Variants in PHF20 observed in about 807,000 individuals in gnomAD.
The protein encoded by PHF20 is PHD finger protein 20, also known as glioma-expressed antigen 2.
Under a neutral mutation model 113.5 loss-of-function variants are expected in PHF20, and 23 were observed. That is an observed-to-expected ratio of 0.20 (90% CI 0.15 to 0.29). PHF20 has a LOEUF of 0.29. Ranked by LOEUF, PHF20 falls within the 10% of genes least tolerant of loss-of-function variation. The pLI, the probability that PHF20 is intolerant of heterozygous loss-of-function variation, is 1.00. For missense variants in PHF20, 943 were observed against 1,219.6 expected (o/e 0.77, Z 3.38); for synonymous variants, 434 against 457.3 (o/e 0.95, Z 0.65).
intron 2 of PHF20, among the ~76,000 whole-genome samples, chr20:35,809,252 GA>G (rs1180600866): frequency 6.9e-5 from 10 of 144,862 alleles, no homozygotes; most frequent in South Asian, 2.2e-4. Flanking sequence ...TGTCTTGGAA[GA>G]AAAAAAAAAC....
intron 15 of PHF20, among the ~76,000 whole-genome samples, chr20:35,937,223 C>A (rs987580618): frequency 6.6e-6 from 1 of 152,064 alleles, no homozygotes; most frequent in African/African-American, 2.4e-5. Context: ...GCTCCCAGCA[C>A]TTTGGGAGGT....
chr20:35,927,642 C>T (rs1385022000), intron 13 of PHF20, 138 bp from the exon 14 acceptor site: 1 of 685,170 alleles, frequency 1.5e-6, no homozygotes, highest in African/African-American at 1.7e-5. Context: ...AGCTCAGTTC[C>T]ACGTTAGTCA....
intron 2 of PHF20, chr20:35,838,381 C>T (rs1037349206): frequency 2.0e-5 from 3 of 152,146 alleles, no homozygotes; most frequent in Admixed American, 1.3e-4. Context: ...AGTTCCCCTT[C>T]CGGGAGGCAA....
intron 2 of PHF20, among the ~76,000 whole-genome samples, chr20:35,822,566 G>T (rs2042188249): frequency 6.6e-6 from 1 of 152,052 alleles, no homozygotes; most frequent in African/African-American, 2.4e-5. Context: ...GGGCACAGTG[G>T]TTTATGCCTG....
chr20:35,886,560 T>TGCAC (rs2054737429), intron 9 of PHF20, among the ~76,000 whole-genome samples: 1 of 152,204 alleles, frequency 6.6e-6, no homozygotes, highest in African/African-American at 2.4e-5. Flanking sequence ...CCACATGGCG[T>TGCAC]GATTGCCGAC....
chr20:35,943,867 C>T (rs1267056066), intron 17 of PHF20, among the ~76,000 whole-genome samples: 1 of 152,166 alleles, frequency 6.6e-6, no homozygotes, highest in Admixed American at 6.5e-5. Flanking sequence ...GATCTGCCTG[C>T]CTCGGGCTCC....
At chr20:35,847,293 A>G (rs751653475) in intron 3 of PHF20, 57 bp from the exon 4 acceptor site, 1 of 1,164,762 alleles carries the variant, frequency 8.6e-7, no homozygotes, top group Non-Finnish European at 1.3e-6. Context: ...TATGTCCTGT[A>G]TGTCCTGTGA....
chr20:35,825,143 G>T (rs1240067591), intron 2 of PHF20, among the ~76,000 whole-genome samples: 5 of 152,074 alleles, frequency 3.3e-5, no homozygotes, highest in Non-Finnish European at 7.4e-5. Flanking sequence ...ATTGCTTTTC[G>T]TAGTAGCTGC....
intron 15 of PHF20, among the ~76,000 whole-genome samples, chr20:35,932,629 C>T (rs999481795): frequency 7.2e-5 from 11 of 151,744 alleles, no homozygotes; most frequent in African/African-American, 2.7e-4. Flanking sequence ...CAGGGTTTCA[C>T]CATGTTGGCC....
chr20:35,944,509 C>A (rs902952307), intron 17 of PHF20, among the ~76,000 whole-genome samples: 1 of 152,208 alleles, frequency 6.6e-6, no homozygotes, highest in African/African-American at 2.4e-5. Context: ...TTGACTGACT[C>A]TCTTTGCTGT....
intron 10 of PHF20, among the ~76,000 whole-genome samples, chr20:35,908,972 A>G (rs1273622241): frequency 6.6e-6 from 1 of 152,158 alleles, no homozygotes; most frequent in African/African-American, 2.4e-5. Flanking sequence ...ATCATCTGCA[A>G]ACAAAGATAG....
At chr20:35,874,423 G>A (rs548784395) in intron 9 of PHF20, among the ~76,000 whole-genome samples, 12 of 152,224 alleles carry the variant, frequency 7.9e-5, no homozygotes, top group Admixed American at 2.6e-4. Context: ...TCAGCATGAA[G>A]AATTTCCTTC....
chr20:35,842,080 T>A (rs2042546237), intron 2 of PHF20, among the ~76,000 whole-genome samples: 3 of 152,320 alleles, frequency 2.0e-5, no homozygotes, highest in Middle Eastern at 3.4e-3. Flanking sequence ...GCACAGTGGT[T>A]CACCCTTGTA....
intron 15 of PHF20, among the ~76,000 whole-genome samples, chr20:35,932,001 C>T (rs1012100094): frequency 1.3e-5 from 2 of 151,072 alleles, no homozygotes; most frequent in African/African-American, 4.9e-5. Context: ...AGCCGTGAAG[C>T]CACCACCAGA....
chr20:35,910,792 C>A (rs1476576761), intron 10 of PHF20, among the ~76,000 whole-genome samples: 1 of 151,932 alleles, frequency 6.6e-6, no homozygotes, highest in Non-Finnish European at 1.5e-5. Flanking sequence ...CCACACCCAG[C>A]TAATTTTTGT....
chr20:35,897,755 G>T (rs958828066), intron 9 of PHF20, among the ~76,000 whole-genome samples: 12 of 151,694 alleles, frequency 7.9e-5, no homozygotes, highest in African/African-American at 2.9e-4. Context: ...TTTTAGTAGA[G>T]ACAGGGTTTC....
chr20:35,788,111 T>C (rs1478707997), intron 1 of PHF20, among the ~76,000 whole-genome samples: 1 of 151,604 alleles, frequency 6.6e-6, no homozygotes, highest in African/African-American at 2.4e-5. Context: ...TTTATTTATT[T>C]TTTGAGACGG....
At chr20:35,839,738 T>A (rs1347882574) in intron 2 of PHF20, among the ~76,000 whole-genome samples, 1 of 152,198 alleles carries the variant, frequency 6.6e-6, no homozygotes, top group African/African-American at 2.4e-5. Flanking sequence ...AAGTAAGGTA[T>A]GCATAGTAGC....
At chr20:35,852,236 T>G (rs1455131107) in intron 4 of PHF20, among the ~76,000 whole-genome samples, 1 of 152,000 alleles carries the variant, frequency 6.6e-6, no homozygotes, top group African/African-American at 2.4e-5. Context: ...TGGAGCAGGG[T>G]TTTCCTAAGA....
Sources: allele counts gnomAD v4.1 joint callset (sites outside exome capture counted in the v4.1 genomes callset), GRCh38; gene constraint gnomAD v4.1.1; transcripts MANE v1.5; gene names NCBI Gene and HGNC (gene_info 2026-07-23, HGNC 2026-07-21).